Variants in THSD7B observed in about 807,000 individuals in gnomAD.
The protein encoded by THSD7B is thrombospondin type-1 domain-containing protein 7B.
A neutral mutation model predicts 213.6 loss-of-function variants in THSD7B; 138 were observed. The observed-to-expected ratio is 0.65, with a 90% CI of 0.56 to 0.74. THSD7B has a LOEUF of 0.74. Ranked by LOEUF, THSD7B falls within the 30% of genes least tolerant of loss-of-function variation. The pLI, the probability that THSD7B is intolerant of heterozygous loss-of-function variation, is 0.00. For missense variants in THSD7B, 1,931 were observed against 1,991.5 expected (o/e 0.97, Z 0.58); for synonymous variants, 742 against 687.0 (o/e 1.08, Z -1.25).
At chr2:137,296,563 C>T (rs1203099797) in intron 12 of THSD7B, among the ~76,000 whole-genome samples, 11 of 152,106 alleles carry the variant, frequency 7.2e-5, no homozygotes, top group African/African-American at 2.4e-4. Context: ...ACTCATAATG[C>T]AGATAGGATC....
At chr2:137,411,565 C>T (rs1396949428) in intron 13 of THSD7B, 44 bp from the exon 14 acceptor site, 6 of 1,537,358 alleles carry the variant, frequency 3.9e-6, no homozygotes, top group Middle Eastern at 1.7e-4. Flanking sequence ...TTTAACAAAA[C>T]AGCAGATAAG....
In THSD7B at chr2:137,393,146, C is replaced by CTT. The variant is rs565002881; in HGVS notation, c.2501-12456_2501-12455dup. ...CTTGGCTGCAGGTTTTTTCTTCCAG[C>CTT]TTTTTTTTTTTTAATTTTTTTTTTT... On this transcript the variant is annotated intron_variant, in intron 12 of 27. Coordinates refer to ENST00000409968, the MANE Select transcript of THSD7B (RefSeq NM_001316349.2). 1.3e-4 allele frequency among the ~76,000 whole-genome samples: 18 copies of CTT among 139,720 alleles called. No homozygotes were observed. In the South Asian group the frequency reaches 1.4e-3, roughly 11 times the overall value. 91.7% of individuals were successfully genotyped at this position (139,720 alleles called of 152,430 possible).
At chr2:137,059,390 C>G (rs751721996) in intron 3 of THSD7B, among the ~76,000 whole-genome samples, 1 of 152,106 alleles carries the variant, frequency 6.6e-6, no homozygotes, top group Non-Finnish European at 1.5e-5. Context: ...TTAATAAAGA[C>G]TATAGTTTAC....
At position 137,542,186 on chromosome 2, in the gene THSD7B, A is replaced by G. The variant is rs542233021; in HGVS notation, c.3139-21035A>G. On this transcript the variant is annotated intron_variant, in intron 15 of 27. Coordinates refer to ENST00000409968, the MANE Select transcript of THSD7B (RefSeq NM_001316349.2). The stretch of plus-strand genomic sequence containing the variant: ...AAACCGTCAAAGCCAAACATAAAGA[A>G]TCTTGACAGCAGCAAAACAGAAGTG... 7.4e-4 allele frequency among the ~76,000 whole-genome samples: 112 copies of G among 151,820 alleles called. 1 individual carries two copies. Among genetic ancestry groups the G allele is most frequent in the Non-Finnish European group, 1.3e-3 (89 of 67,758 alleles).
At chr2:137,672,144 C>T (rs528527359) in intron 27 of THSD7B, among the ~76,000 whole-genome samples, 4 of 151,932 alleles carry the variant, frequency 2.6e-5, no homozygotes, top group East Asian at 1.9e-4. Flanking sequence ...ATTTATTGCC[C>T]GTGATTTTTA....
chr2:137,159,602 A>G (rs1386794430), intron 5 of THSD7B, among the ~76,000 whole-genome samples: 2 of 152,130 alleles, frequency 1.3e-5, no homozygotes, highest in Non-Finnish European at 2.9e-5. Context: ...CACCAGGAAG[A>G]GACAGAAGCT....
At chr2:137,424,262 A>T (rs1359895208) in intron 14 of THSD7B, among the ~76,000 whole-genome samples, 2 of 152,172 alleles carry the variant, frequency 1.3e-5, no homozygotes, top group Non-Finnish European at 2.9e-5. Flanking sequence ...GAGACTTCTT[A>T]GATACTACAC....
intron 5 of THSD7B, among the ~76,000 whole-genome samples, chr2:137,143,141 C>T (rs1216921280): frequency 2.0e-5 from 3 of 152,212 alleles, no homozygotes; most frequent in East Asian, 1.9e-4. Flanking sequence ...CACAATTATG[C>T]CCTGGCTATG....
chr2:136,963,429 G>A (rs1405233019), intron 2 of THSD7B, among the ~76,000 whole-genome samples: 1 of 152,080 alleles, frequency 6.6e-6, no homozygotes, highest in African/African-American at 2.4e-5. Flanking sequence ...AATTCCTTGA[G>A]GCCAGCAGTT....
chr2:137,068,375 C>G (rs1687418843), intron 3 of THSD7B, among the ~76,000 whole-genome samples: 1 of 152,022 alleles, frequency 6.6e-6, no homozygotes, highest in Non-Finnish European at 1.5e-5. Flanking sequence ...CATATATTAT[C>G]ATAAAATAAT....
chr2:137,373,896 C>A (rs897628394), intron 12 of THSD7B, among the ~76,000 whole-genome samples: 1 of 152,146 alleles, frequency 6.6e-6, no homozygotes, highest in African/African-American at 2.4e-5. Context: ...GGAAGGGATC[C>A]AGTTTCAGCT....
At chr2:137,454,670 C>T (rs904750267) in intron 15 of THSD7B, among the ~76,000 whole-genome samples, 8 of 151,732 alleles carry the variant, frequency 5.3e-5, no homozygotes, top group Non-Finnish European at 7.4e-5. Context: ...AAAAATATTC[C>T]CCAGCTTCTA....
chr2:136,816,863 A>G (rs538389490), intron 1 of THSD7B, among the ~76,000 whole-genome samples: 1 of 152,298 alleles, frequency 6.6e-6, no homozygotes, highest in East Asian at 1.9e-4. Context: ...AAGAATCTTT[A>G]TTCCATTGTT....
chr2:137,340,540 CTGTT>C (rs2104906394), intron 12 of THSD7B, among the ~76,000 whole-genome samples: 1 of 151,962 alleles, frequency 6.6e-6, no homozygotes, highest in Admixed American at 6.6e-5. Context: ...CATATTCCTT[CTGTT>C]TAACTGAGAT....
chr2:136,915,626 T>G (rs1213669054), intron 2 of THSD7B, among the ~76,000 whole-genome samples: 1 of 152,194 alleles, frequency 6.6e-6, no homozygotes, highest in African/African-American at 2.4e-5. Flanking sequence ...CTCACATGGA[T>G]TGTTAAGAGG....
chr2:136,870,647 A>G (rs1683417210), intron 1 of THSD7B, among the ~76,000 whole-genome samples: 1 of 152,200 alleles, frequency 6.6e-6, no homozygotes, highest in Admixed American at 6.5e-5. Context: ...GTGAGGAAGC[A>G]GGTCACGTGA....
At chr2:137,584,989 G>T (rs1044425038) in intron 17 of THSD7B, among the ~76,000 whole-genome samples, 1 of 152,016 alleles carries the variant, frequency 6.6e-6, no homozygotes, top group Non-Finnish European at 1.5e-5. Context: ...TATTTGGTAG[G>T]CTATTAATTA....
chr2:136,991,938 T>A (rs2104816398), intron 2 of THSD7B, among the ~76,000 whole-genome samples: 1 of 152,344 alleles, frequency 6.6e-6, no homozygotes, highest in South Asian at 2.1e-4. Flanking sequence ...AAAACGGGAT[T>A]TCTTATTTGG....
At chr2:137,168,185 T>C (rs1680173584) in intron 6 of THSD7B, among the ~76,000 whole-genome samples, 1 of 152,170 alleles carries the variant, frequency 6.6e-6, no homozygotes, top group African/African-American at 2.4e-5. Context: ...TTTTATGCTT[T>C]GAGAAGAATA....
Sources: gnomAD v4.1 joint callset for allele counts (sites outside exome capture counted in the v4.1 genomes callset) on GRCh38, gnomAD v4.1.1 for gene constraint, MANE v1.5 for transcripts, NCBI Gene and HGNC (gene_info 2026-07-23, HGNC 2026-07-21) for gene names.